Variants in PRKCB observed in about 807,000 individuals in gnomAD.
PRKCB encodes protein kinase C beta type.
In PRKCB, 13 loss-of-function variants were observed where a neutral mutation model predicts 81.5. The ratio of observed to expected loss-of-function variants is 0.16; its 90% CI spans 0.10 to 0.25. The LOEUF is 0.25. Among genes scored for constraint, PRKCB ranks in the 10% least tolerant of loss-of-function variants. The pLI is 1.00. For missense variants in PRKCB, 509 were observed against 875.7 expected, an observed-to-expected ratio of 0.58 and a Z score of 5.29; for synonymous variants, 335 against 321.4, an observed-to-expected ratio of 1.04 and a Z score of -0.45.
intron 10 of PRKCB, among the ~76,000 whole-genome samples, chr16:24,164,776 C>T (rs749438260): frequency 3.3e-5 from 5 of 152,128 alleles, no homozygotes; most frequent in Middle Eastern, 3.2e-3. Context: ...CAAGTCGATA[C>T]GCAAGAAATA....
chr16:23,983,373 G>T (rs1033550057), intron 2 of PRKCB, among the ~76,000 whole-genome samples: 1 of 152,048 alleles, frequency 6.6e-6, no homozygotes, highest in Admixed American at 6.6e-5. Context: ...ATCATGCTGG[G>T]GTTCACTTGG....
chr16:23,858,200 T>C (rs117262393), intron 2 of PRKCB, among the ~76,000 whole-genome samples: 1,943 of 152,338 alleles, frequency 0.013, 78 homozygotes, highest in Admixed American at 0.074. Context: ...CCACTAAGAT[T>C]TGCTGCTATT....
At chr16:23,978,007 C>T (rs1964647674) in intron 2 of PRKCB, among the ~76,000 whole-genome samples, 1 of 152,152 alleles carries the variant, frequency 6.6e-6, no homozygotes, top group Non-Finnish European at 1.5e-5. Flanking sequence ...TCTGATCTCA[C>T]CTTCACAACC....
At chr16:23,967,012 AT>A (rs3043607) in intron 2 of PRKCB, among the ~76,000 whole-genome samples, 1,553 of 147,108 alleles carry the variant, frequency 0.011, 9 homozygotes, top group African/African-American at 0.012. Context: ...AGTGGTTTCC[AT>A]TTTTTTTTTT....
At chr16:23,916,434 T>A (rs568634229) in intron 2 of PRKCB, among the ~76,000 whole-genome samples, 19 of 152,188 alleles carry the variant, frequency 1.2e-4, no homozygotes, top group Middle Eastern at 3.4e-3. Flanking sequence ...TGTAGAAAGG[T>A]TAACATTAAA....
At chr16:23,841,608 G>GTCCT (rs1300290165) in intron 2 of PRKCB, among the ~76,000 whole-genome samples, 4 of 147,632 alleles carry the variant, frequency 2.7e-5, no homozygotes, top group Non-Finnish European at 4.4e-5. Flanking sequence ...CTGCCTCAGT[G>GTCCT]TCCTGAGTAG....
At position 24,123,855 on chromosome 16, in the gene PRKCB, A is replaced by G. The variant is rs1242164160; in HGVS notation, c.939A>G (p.Gly313=). ...TGCAGAGGGCCAAGATCAGTCAGGGAACCAAGGTCCCGGAAGAAAAGACGA... is the reference window on the plus strand; with the variant it reads ...TGCAGAGGGCCAAGATCAGTCAGGGGACCAAGGTCCCGGAAGAAAAGACGA... ...QKFERAKISQ[G]TKVPEEKTTN... is the part of the protein sequence containing the mutation. Residue 313 remains glycine (G), a synonymous_variant, in exon 9 of 17, where the codon GGA becomes GGG. Transcript: ENST00000643927. 1.9e-6 allele frequency: 3 copies of G among 1,614,008 alleles called. No homozygotes were observed. Among genetic ancestry groups the G allele is most frequent in the Non-Finnish European group, 2.5e-6 (3 of 1,180,020 alleles).
In PRKCB at chr16:24,193,476, T is replaced by TAAATAAATA. The variant is rs1555501792; in HGVS notation, c.1863+2249_1863+2257dup. ...ATAAATAAATAAATAAATAAATAAA[T>TAAATAAATA]AAATAAATAAATAAATAAATAAATG... On this transcript the variant is annotated intron_variant, in intron 16 of 16. Coordinates refer to ENST00000643927, the MANE Select transcript of PRKCB (RefSeq NM_002738.7). 1.4e-3 allele frequency among the ~76,000 whole-genome samples: 190 copies of TAAATAAATA among 139,888 alleles called. 1 individual carries two copies. Among genetic ancestry groups the TAAATAAATA allele is most frequent in the African/African-American group, 2.6e-3 (97 of 37,438 alleles). The allele number at this position is 139,888 out of a possible 152,430, so 91.8% of individuals were successfully genotyped here.
In PRKCB at chr16:24,108,613, A is replaced by G. The variant is rs1384597878; in HGVS notation, c.822-4360A>G. On this transcript the variant is annotated intron_variant, in intron 7 of 16. Transcript: ENST00000643927. ...ACAAAGCACATCTTGCACCGCCCTT[A>G]ATCCATTCAACCCTGAGTGGACACA... 4.0e-5 allele frequency among the ~76,000 whole-genome samples: 6 copies of G among 149,702 alleles called. No homozygotes were observed. In the East Asian group the frequency reaches 9.7e-4, roughly 24 times the overall value.
At chr16:24,005,351 G>A (rs574966191) in intron 3 of PRKCB, among the ~76,000 whole-genome samples, 3 of 152,228 alleles carry the variant, frequency 2.0e-5, no homozygotes, top group African/African-American at 7.2e-5. Flanking sequence ...ACTTAATTCT[G>A]TTCACTGTCT....
intron 12 of PRKCB, among the ~76,000 whole-genome samples, chr16:24,180,213 A>C (rs1263862330): frequency 6.6e-6 from 1 of 152,136 alleles, no homozygotes; most frequent in Non-Finnish European, 1.5e-5. Context: ...GAAGTGCTGG[A>C]ATCGCAGGCG....
At chr16:23,976,104 C>T (rs566676689) in intron 2 of PRKCB, among the ~76,000 whole-genome samples, 7 of 152,000 alleles carry the variant, frequency 4.6e-5, no homozygotes, top group African/African-American at 1.4e-4. Flanking sequence ...GCCAGGAGTT[C>T]GAAACCAGCC....
intron 16 of PRKCB, among the ~76,000 whole-genome samples, chr16:24,198,630 TG>T (rs1225919477): frequency 6.6e-6 from 1 of 152,218 alleles, no homozygotes; most frequent in African/African-American, 2.4e-5. Flanking sequence ...TGAGCCACTG[TG>T]CCTGGCACCT....
intron 2 of PRKCB, among the ~76,000 whole-genome samples, chr16:23,951,140 TG>T (rs1273941424): frequency 2.6e-5 from 4 of 152,232 alleles, no homozygotes; most frequent in African/African-American, 9.6e-5. Flanking sequence ...GTGACTGTCA[TG>T]TGCAAAGCAC....
At chr16:23,869,226 C>T (rs1962861845) in intron 2 of PRKCB, 1 of 408,248 alleles carries the variant, frequency 2.4e-6, no homozygotes, top group Non-Finnish European at 5.1e-6. Context: ...TGTGGTTTAG[C>T]CATTGTTCTT....
chr16:23,961,502 A>G (rs1396321134), intron 2 of PRKCB, among the ~76,000 whole-genome samples: 1 of 152,180 alleles, frequency 6.6e-6, no homozygotes, highest in Non-Finnish European at 1.5e-5. Flanking sequence ...ATCTTCATCA[A>G]TGGTATCTTA....
Position 23,950,132 on chromosome 16 carries a change from A to AGTTTTTTTTTTTTTTTTTTTTT in PRKCB, c.206-38376_206-38375insGTTTTTTTTTTTTTTTTTTTTT, listed in dbSNP as rs55986931. ...AGCAGCATTGGCCCCTATGATTTGA[A>AGTTTTTTTTTTTTTTTTTTTTT]TTTTTTTTTTTTTTTTTTTTTTTTT... On this transcript the variant is annotated intron_variant, in intron 2 of 16. Transcript: ENST00000643927. 5.1e-5 allele frequency among the ~76,000 whole-genome samples: 5 copies of AGTTTTTTTTTTTTTTTTTTTTT among 97,760 alleles called. 2 individuals carry two copies. Among genetic ancestry groups the AGTTTTTTTTTTTTTTTTTTTTT allele is most frequent in the African/African-American group, 4.2e-5 (1 of 24,092 alleles). 64.1% of individuals were successfully genotyped at this position (97,760 alleles called of 152,430 possible). A position where few individuals can be genotyped will look rare whatever the true frequency, so the allele number is the denominator to read the frequency against.
At chr16:24,059,830 A>G (rs916099978) in intron 5 of PRKCB, among the ~76,000 whole-genome samples, 4 of 152,226 alleles carry the variant, frequency 2.6e-5, no homozygotes, top group African/African-American at 9.6e-5. Flanking sequence ...CACGAGGCTA[A>G]GAATTGAACA....
intron 2 of PRKCB, among the ~76,000 whole-genome samples, chr16:23,942,021 A>G (rs1306146902): frequency 6.6e-6 from 1 of 152,256 alleles, no homozygotes; most frequent in Non-Finnish European, 1.5e-5. Flanking sequence ...AAAAACTATT[A>G]GTACAAATAA....
Sources: gnomAD v4.1 joint callset for allele counts (sites outside exome capture counted in the v4.1 genomes callset) on GRCh38, gnomAD v4.1.1 for gene constraint, MANE v1.5 for transcripts, NCBI Gene and HGNC (gene_info 2026-07-23, HGNC 2026-07-21) for gene names.